PTPRM: variants seen among roughly 807,000 people sequenced by gnomAD.
The protein encoded by PTPRM is protein tyrosine phosphatase receptor type M.
In PTPRM, 47 loss-of-function variants were observed where a neutral mutation model predicts 186.7. That is an observed-to-expected ratio of 0.25 (90% confidence interval 0.20 to 0.32). PTPRM has a LOEUF of 0.32. Ranked by LOEUF, PTPRM falls within the 10% of genes least tolerant of loss-of-function variation. PTPRM has a pLI of 1.00. For missense variants in PTPRM, 1,494 were observed against 1,865.0 expected (o/e 0.80, Z 3.66); for synonymous variants, 668 against 674.9 (o/e 0.99, Z 0.16).
chr18:7,576,872 A>G (rs1186636625), intron 1 of PTPRM, among the ~76,000 whole-genome samples: 3 of 152,204 alleles, frequency 2.0e-5, no homozygotes, highest in African/African-American at 7.2e-5. Context: ...TGAACTTAAA[A>G]TGGACTCAGT....
intron 14 of PTPRM, among the ~76,000 whole-genome samples, chr18:8,239,507 C>CG (rs2094392315): frequency 6.6e-6 from 1 of 152,002 alleles, no homozygotes. Context: ...ACTAATTCCC[C>CG]CTGGAGTTTT....
intron 7 of PTPRM, among the ~76,000 whole-genome samples, chr18:7,965,912 C>T (rs1429997280): frequency 1.3e-5 from 2 of 152,204 alleles, no homozygotes; most frequent in East Asian, 3.9e-4. Context: ...CCAGTTAGGA[C>T]TTGCCAACTT....
At chr18:7,874,430 G>T (rs1185870826) in intron 2 of PTPRM, among the ~76,000 whole-genome samples, 1 of 152,076 alleles carries the variant, frequency 6.6e-6, no homozygotes, top group Non-Finnish European at 1.5e-5. Flanking sequence ...CTGATATAAA[G>T]AATTTTCCCT....
intron 32 of PTPRM, among the ~76,000 whole-genome samples, chr18:8,401,722 C>A (rs577374609): frequency 2.0e-5 from 3 of 152,236 alleles, no homozygotes; most frequent in African/African-American, 7.2e-5. Flanking sequence ...CTGACGGAGG[C>A]CCCCAGTGCC....
intron 13 of PTPRM, among the ~76,000 whole-genome samples, chr18:8,125,065 C>T (rs2092295351): frequency 6.6e-6 from 1 of 151,830 alleles, no homozygotes; most frequent in African/African-American, 2.4e-5. Flanking sequence ...GTGATCTGAC[C>T]CCAGCACCTA....
At chr18:8,093,694 C>G (rs1338463559) in intron 11 of PTPRM, among the ~76,000 whole-genome samples, 1 of 152,096 alleles carries the variant, frequency 6.6e-6, no homozygotes, top group Non-Finnish European at 1.5e-5. Context: ...ATGTGTTTCC[C>G]TATTGATCCC....
chr18:8,067,825 C>T (rs566840881), intron 7 of PTPRM, among the ~76,000 whole-genome samples: 1 of 152,264 alleles, frequency 6.6e-6, no homozygotes, highest in Admixed American at 6.5e-5. Context: ...GGCCTTGACC[C>T]TCTCGTCTAT....
chr18:7,675,762 T>C (rs1321015645), intron 1 of PTPRM, among the ~76,000 whole-genome samples: 1 of 150,130 alleles, frequency 6.7e-6, no homozygotes, highest in Non-Finnish European at 1.5e-5. Flanking sequence ...TGAGACAGAG[T>C]CCCACTCTGT....
rs2039142169 is a variant in PTPRM, at chr18:7,668,261, G to A, written c.73+100370G>A. Among the ~76,000 whole-genome samples the A allele has an allele frequency of 6.6e-6, 1 of 152,136 alleles. No homozygotes were observed. ...CCCCATGACAGCTCTGGTGTGAATA[G>A]TCACAGTGCCACCATTTTGGGTCCT... On this transcript the variant is annotated intron_variant, in intron 1 of 32. Transcript: ENST00000580170. This position sits in a 1 kb window ranked among gnomAD's most constrained non-coding sequence, Gnocchi z 4.7.
chr18:7,581,656 CTTTT>C (rs59375148), intron 1 of PTPRM, among the ~76,000 whole-genome samples: 3 of 137,262 alleles, frequency 2.2e-5, no homozygotes, highest in African/African-American at 2.7e-5. Context: ...GTTTCATTTA[CTTTT>C]TTTTTTTTTT....
intron 14 of PTPRM, among the ~76,000 whole-genome samples, chr18:8,151,915 C>T (rs185882397): frequency 6.6e-6 from 1 of 152,060 alleles, no homozygotes; most frequent in Non-Finnish European, 1.5e-5. Context: ...GAAAGAAATT[C>T]CCCGACCCCT....
chr18:7,567,784 G>A lies in PTPRM; in HGVS notation c.-35G>A. 6.6e-7 allele frequency: 1 copy of A among 1,507,510 alleles called. No homozygotes were observed. 93.4% of individuals were successfully genotyped at this position (1,507,510 alleles called of 1,614,324 possible). A position where few individuals can be genotyped will look rare whatever the true frequency, so the allele number is the denominator to read the frequency against. The stretch of plus-strand genomic sequence containing the variant: ...CTCCGCCCTCGCGCGCCCACCCACC[G>A]CCGCCGGGGAGCGGCCCGGCCCGCA... On this transcript the variant is annotated 5_prime_UTR_variant, in exon 1 of 33. Transcript: ENST00000580170. The surrounding 1 kb of genome is among the most constrained non-coding windows in gnomAD (Gnocchi z 4.3).
At position 8,088,828 on chromosome 18, in the gene PTPRM, C is replaced by T. The variant is rs1024986000; in HGVS notation, c.1833C>T (p.Ala611=). ...CCGTGACAGTCATGCTGAAACCTGC[C>T]CACAGCAGAGGAGCACCTGTCAGGT... is the stretch of plus-strand genomic sequence containing the variant. ...DNTVTVMLKP[A]HSRGAPVSVY... is the part of the protein sequence containing the mutation. The change falls in exon 11 of 33, where the codon GCC becomes GCT. Residue 611 remains alanine, a synonymous_variant. Transcript: ENST00000580170. 6.2e-7 allele frequency: 1 copy of T among 1,611,724 alleles called. No homozygotes were observed. Among genetic ancestry groups the T allele is most frequent in the Non-Finnish European group, 8.5e-7 (1 of 1,178,186 alleles).
At chr18:7,574,635 C>T (rs539932510) in intron 1 of PTPRM, among the ~76,000 whole-genome samples, 28 of 152,268 alleles carry the variant, frequency 1.8e-4, no homozygotes, top group Admixed American at 1.4e-3. Flanking sequence ...GGGACTTTCT[C>T]AGGAGAGAAC....
intron 14 of PTPRM, among the ~76,000 whole-genome samples, chr18:8,220,248 G>T (rs1241230283): frequency 6.6e-6 from 1 of 152,210 alleles, no homozygotes; most frequent in Non-Finnish European, 1.5e-5. Flanking sequence ...TATGAGTGAT[G>T]ACTTCCGAAC....
At chr18:7,676,684 TGTGTGCGCGTGCACGCGCACGC>T (rs1270155243) in intron 1 of PTPRM, among the ~76,000 whole-genome samples, 1 of 144,104 alleles carries the variant, frequency 6.9e-6, no homozygotes, top group East Asian at 2.1e-4. Flanking sequence ...TGTGTGTGTG[TGTGTGCGCGTGCACGCGCACGC>T]GCATGGATTA....
chr18:7,815,440 A>G (rs2044760664), intron 2 of PTPRM: 1 of 152,240 alleles, frequency 6.6e-6, no homozygotes, highest in South Asian at 2.1e-4. Flanking sequence ...ATTGTGGAAT[A>G]AAGTGATACA....
At chr18:8,339,299 G>T (rs776674986) in intron 22 of PTPRM, among the ~76,000 whole-genome samples, 8 of 151,860 alleles carry the variant, frequency 5.3e-5, no homozygotes, top group Non-Finnish European at 1.2e-4. Context: ...TGGAGGAGAC[G>T]GAATGTATTA....
At chr18:7,720,729 T>C (rs897442334) in intron 1 of PTPRM, among the ~76,000 whole-genome samples, 1 of 152,126 alleles carries the variant, frequency 6.6e-6, no homozygotes, top group African/African-American at 2.4e-5. Context: ...AATCATACAA[T>C]ATTTATCTTT....
Sources: gnomAD v4.1 joint callset for allele counts (sites outside exome capture counted in the v4.1 genomes callset) on GRCh38, gnomAD v4.1.1 for gene constraint, Gnocchi (gnomAD v3.1) non-coding constraint, MANE v1.5 for transcripts, NCBI Gene and HGNC (gene_info 2026-07-23, HGNC 2026-07-21) for gene names.